KHDRBS3: variants seen among roughly 807,000 people sequenced by gnomAD.
The protein encoded by KHDRBS3 is KH domain-containing, RNA-binding, signal transduction-associated protein 3.
Under a neutral mutation model 45.6 loss-of-function variants are expected in KHDRBS3, and 23 were observed. The observed-to-expected ratio is 0.50, with a 90% confidence interval of 0.36 to 0.72. The LOEUF (loss-of-function observed/expected upper bound fraction) is 0.72, where lower values mean the gene tolerates loss of function less well. Among genes scored for constraint, KHDRBS3 ranks in the 30% least tolerant of loss-of-function variants. KHDRBS3 has a pLI of 0.00. For synonymous variants in KHDRBS3, 162 were observed against 156.5 expected, an observed-to-expected ratio of 1.04 and a Z score of -0.26; for missense variants, 352 against 424.8, an observed-to-expected ratio of 0.83 and a Z score of 1.51.
At chr8:135,483,350 T>C (rs1395418237) in intron 1 of KHDRBS3, among the ~76,000 whole-genome samples, 2 of 152,200 alleles carry the variant, frequency 1.3e-5, no homozygotes, top group African/African-American at 4.8e-5. Context: ...CATGATGGAT[T>C]GTGGCAAGTA....
intron 7 of KHDRBS3, among the ~76,000 whole-genome samples, chr8:135,623,820 A>G (rs1398393151): frequency 6.6e-6 from 1 of 152,176 alleles, no homozygotes; most frequent in Admixed American, 6.5e-5. Flanking sequence ...AGCATGCACT[A>G]CACAACAATT....
chr8:135,483,821 G>T (rs1421611937), intron 1 of KHDRBS3, among the ~76,000 whole-genome samples: 1 of 152,136 alleles, frequency 6.6e-6, no homozygotes, highest in Non-Finnish European at 1.5e-5. Flanking sequence ...TCCCTATCTA[G>T]GGCTGTTGGG....
intron 1 of KHDRBS3, among the ~76,000 whole-genome samples, chr8:135,470,224 C>G (rs894982393): frequency 1.3e-5 from 2 of 152,134 alleles, no homozygotes; most frequent in African/African-American, 4.8e-5. Context: ...TAAAGGAAAC[C>G]GAGCAGGCTT....
rs200090661 is a variant in KHDRBS3 at position 135,559,335 on chromosome 8, A to ATATTT, written c.611+1760_611+1764dup. Among the ~76,000 whole-genome samples, 1,074 of 152,184 alleles carry ATATTT rather than the reference A, an allele frequency of 7.1e-3. 5 individuals carry two copies. Among genetic ancestry groups the ATATTT allele is most frequent in the African/African-American group, 0.018 (765 of 41,510 alleles). ...ATTTACAAGCCAAATACAACAAAATATATTTTATTTTATTTTGTTTATTTA... is the reference window on the plus strand; with the variant it reads ...ATTTACAAGCCAAATACAACAAAATATATTTTATTTTATTTTATTTTGTTTATTTA... On this transcript the variant is annotated intron_variant, in intron 5 of 8. Transcript: ENST00000355849.
intron 7 of KHDRBS3, chr8:135,626,125 A>G (rs1830348440): frequency 2.0e-6 from 1 of 499,146 alleles, no homozygotes; most frequent in African/African-American, 1.9e-5. Context: ...TTCTGCTTTA[A>G]TATCATTAAC....
intron 1 of KHDRBS3, among the ~76,000 whole-genome samples, chr8:135,508,213 C>A (rs1471894216): frequency 6.6e-6 from 1 of 152,092 alleles, no homozygotes; most frequent in Admixed American, 6.5e-5. Context: ...GTACATCTAA[C>A]CAACAGAAAA....
chr8:135,524,867 A>G (rs1402815186), intron 2 of KHDRBS3, among the ~76,000 whole-genome samples: 1 of 152,184 alleles, frequency 6.6e-6, no homozygotes, highest in Non-Finnish European at 1.5e-5. Context: ...ACATGTATGT[A>G]TGTAAAAATA....
At position 135,629,836 on chromosome 8, in the gene KHDRBS3, G is replaced by A. The variant is rs73712099; in HGVS notation, c.891-15223G>A. On this transcript the variant is annotated intron_variant, in intron 7 of 8. Transcript: ENST00000355849. ...TACTTCGCCTGATAGGAGAGCAAAT[G>A]CTCCAACCCCAGTAAATTCAGTAAC... Among the ~76,000 whole-genome samples the A allele has an allele frequency of 8.8e-3, 1,338 of 152,318 alleles. 13 individuals carry two copies. The highest frequency in any genetic ancestry group is 0.024 in the African/African-American group (992 of 41,568).
At chr8:135,581,696 G>C (rs1218040654) in intron 5 of KHDRBS3, among the ~76,000 whole-genome samples, 182 bp from the exon 6 acceptor site, 1 of 152,154 alleles carries the variant, frequency 6.6e-6, no homozygotes, top group Admixed American at 6.5e-5. Flanking sequence ...CTGCCTAAAT[G>C]CCTTAATTTC....
intron 6 of KHDRBS3, among the ~76,000 whole-genome samples, chr8:135,599,131 G>C (rs1157185795): frequency 6.6e-6 from 1 of 152,148 alleles, no homozygotes; most frequent in African/African-American, 2.4e-5. Flanking sequence ...TTATAGGTCG[G>C]GAATGACAAA....
intron 1 of KHDRBS3, among the ~76,000 whole-genome samples, chr8:135,520,765 T>C (rs1020168093): frequency 2.6e-5 from 4 of 152,138 alleles, no homozygotes; most frequent in Admixed American, 6.5e-5. Context: ...GAAGATTTGA[T>C]TGGGGAGGTG....
intron 6 of KHDRBS3, among the ~76,000 whole-genome samples, chr8:135,589,788 A>G (rs1828659121): frequency 6.6e-6 from 1 of 152,198 alleles, no homozygotes; most frequent in African/African-American, 2.4e-5. Context: ...GGAGATACTA[A>G]GTAAATATGC....
chr8:135,506,744 C>G (rs1208676995), intron 1 of KHDRBS3, among the ~76,000 whole-genome samples: 5 of 152,142 alleles, frequency 3.3e-5, no homozygotes. Context: ...CATCCTTGGT[C>G]AAATTTATTG....
intron 7 of KHDRBS3, among the ~76,000 whole-genome samples, chr8:135,642,312 C>T (rs562743511): frequency 1.1e-3 from 166 of 152,202 alleles, no homozygotes; most frequent in Non-Finnish European, 2.0e-3. Context: ...GTTGAGTGAC[C>T]CTGGGCAGAT....
At chr8:135,476,696 T>G (rs1822307354) in intron 1 of KHDRBS3, among the ~76,000 whole-genome samples, 1 of 152,212 alleles carries the variant, frequency 6.6e-6, no homozygotes, top group Non-Finnish European at 1.5e-5. Flanking sequence ...CTCAAGGTTA[T>G]GTAGTATGTA....
chr8:135,555,136 T>TG (rs1267002167), intron 4 of KHDRBS3, among the ~76,000 whole-genome samples: 2 of 152,222 alleles, frequency 1.3e-5, no homozygotes, highest in African/African-American at 4.8e-5. Context: ...AATTAGGACT[T>TG]GCTGTTTTGG....
chr8:135,506,498 G>A (rs577421030), intron 1 of KHDRBS3, among the ~76,000 whole-genome samples: 1 of 151,514 alleles, frequency 6.6e-6, no homozygotes, highest in South Asian at 2.1e-4. Flanking sequence ...CTGCCTTCCA[G>A]GTTCAAGCAA....
intron 2 of KHDRBS3, among the ~76,000 whole-genome samples, chr8:135,525,476 A>C (rs1033368749): frequency 1.3e-5 from 2 of 152,182 alleles, no homozygotes; most frequent in East Asian, 3.9e-4. Flanking sequence ...TCCTTTGCTG[A>C]AGTCATAACT....
chr8:135,609,229 TTGTACAGC>T (rs915696507), intron 7 of KHDRBS3, among the ~76,000 whole-genome samples: 7 of 152,176 alleles, frequency 4.6e-5, no homozygotes, highest in African/African-American at 1.7e-4. Context: ...CACAAATACA[TTGTACAGC>T]TGTACAAATA....
Sources: allele counts gnomAD v4.1 joint callset (sites outside exome capture counted in the v4.1 genomes callset), GRCh38; gene constraint gnomAD v4.1.1; transcripts MANE v1.5; gene names NCBI Gene and HGNC (gene_info 2026-07-23, HGNC 2026-07-21).